SH3GL3: variants seen among roughly 807,000 people sequenced by gnomAD.
SH3GL3 encodes SH3 domain containing GRB2 like 3, endophilin A3.
SH3GL3 carries 33 observed loss-of-function variants against 47.7 expected under a neutral mutation model. The observed-to-expected ratio is 0.69, with a 90% CI of 0.52 to 0.92. SH3GL3 has a LOEUF of 0.92. Among genes scored for constraint, SH3GL3 ranks in the 40% least tolerant of loss-of-function variants. SH3GL3 has a pLI of 0.00. For missense variants in SH3GL3, 363 were observed against 417.8 expected (o/e 0.87, Z 1.14); for synonymous variants, 155 against 148.8 (o/e 1.04, Z -0.30).
intron 1 of SH3GL3, among the ~76,000 whole-genome samples, chr15:83,497,849 T>C (rs17158916): frequency 0.065 from 9,945 of 152,288 alleles, 477 homozygotes; most frequent in African/African-American, 0.12. Context: ...TCTGCTCTGT[T>C]GTGGATTTTG....
At chr15:83,624,072 AG>A in the SH3GL3 span, among the ~76,000 whole-genome samples, 2 of 152,088 alleles carry the variant, frequency 1.3e-5, no homozygotes, top group Non-Finnish European at 2.9e-5. Flanking sequence ...CAGGCCAAAT[AG>A]GCTCCTGACA....
At chr15:83,530,305 C>T (rs2043610528) in intron 1 of SH3GL3, among the ~76,000 whole-genome samples, 1 of 152,204 alleles carries the variant, frequency 6.6e-6, no homozygotes, top group East Asian at 1.9e-4. Flanking sequence ...AGAGGCTCTT[C>T]CATGGCTAAG....
intron 1 of SH3GL3, among the ~76,000 whole-genome samples, chr15:83,510,244 T>C (rs567046535): frequency 1.4e-4 from 21 of 152,344 alleles, no homozygotes; most frequent in African/African-American, 4.6e-4. Flanking sequence ...TTGCTTCATG[T>C]AGATACAATA....
chr15:83,551,340 C>T (rs1233289117), intron 1 of SH3GL3, among the ~76,000 whole-genome samples: 1 of 152,108 alleles, frequency 6.6e-6, no homozygotes, highest in Admixed American at 6.6e-5. Flanking sequence ...TGAGTAGCCA[C>T]CCATTTGTAT....
chr15:83,482,300 G>A (rs1046086375), intron 1 of SH3GL3, among the ~76,000 whole-genome samples: 1 of 151,916 alleles, frequency 6.6e-6, no homozygotes, highest in Non-Finnish European at 1.5e-5. Context: ...GCTTTTTTGT[G>A]TATTGTTTTA....
chr15:83,594,604 C>T (rs1363307637), intron 8 of SH3GL3, among the ~76,000 whole-genome samples: 3 of 152,298 alleles, frequency 2.0e-5, no homozygotes, highest in East Asian at 1.9e-4. Context: ...ACATCTCCTT[C>T]GGCCTCTCTT....
intron 2 of SH3GL3, among the ~76,000 whole-genome samples, chr15:83,561,942 T>C (rs1027541141): frequency 6.6e-5 from 10 of 151,894 alleles, no homozygotes; most frequent in African/African-American, 2.2e-4. Flanking sequence ...AAAAATAATT[T>C]TTACCATTCT....
At chr15:83,500,247 C>T (rs999995787) in intron 1 of SH3GL3, among the ~76,000 whole-genome samples, 1 of 152,186 alleles carries the variant, frequency 6.6e-6, no homozygotes, top group Non-Finnish European at 1.5e-5. Context: ...GGGCGAACTA[C>T]TTGGAAATTT....
At chr15:83,502,235 GGA>G (rs2042326842) in intron 1 of SH3GL3, among the ~76,000 whole-genome samples, 1 of 152,244 alleles carries the variant, frequency 6.6e-6, no homozygotes, top group Admixed American at 6.5e-5. Context: ...GTGTGGAAAT[GGA>G]CAGCGGATCA....
intron 6 of SH3GL3, among the ~76,000 whole-genome samples, chr15:83,579,718 A>C (rs2059783788): frequency 1.3e-5 from 2 of 152,124 alleles, no homozygotes. Flanking sequence ...ATGTGCGTTT[A>C]CCTTTTCTCC....
chr15:83,601,846 A>G (rs1030810258), intron 8 of SH3GL3, among the ~76,000 whole-genome samples: 3 of 148,026 alleles, frequency 2.0e-5, no homozygotes, highest in African/African-American at 7.5e-5. Context: ...TTTTTTTGGT[A>G]ATTTTAAAAT....
At chr15:83,473,991 G>T (rs2040976496) in intron 1 of SH3GL3, among the ~76,000 whole-genome samples, 2 of 151,940 alleles carry the variant, frequency 1.3e-5, no homozygotes, top group Admixed American at 1.3e-4. Flanking sequence ...GTCCCAAGCT[G>T]GTGTGCCTTC....
At chr15:83,623,115 T>A (rs1396064929), downstream of SH3GL3, among the ~76,000 whole-genome samples, 1 of 152,202 alleles carries the variant, frequency 6.6e-6, no homozygotes, top group Non-Finnish European at 1.5e-5. Flanking sequence ...CAATATAGGT[T>A]TCAAGTGTGA....
chr15:83,632,377 T>C, the SH3GL3 span, among the ~76,000 whole-genome samples: 77 of 152,350 alleles, frequency 5.1e-4, no homozygotes, highest in African/African-American at 1.7e-3. Context: ...GTTTCTGCTC[T>C]GGAGCTTCTA....
intron 3 of SH3GL3, 191 bp downstream of exon 3, chr15:83,565,397 T>G (rs1349857270): frequency 1.8e-6 from 1 of 542,756 alleles, no homozygotes; most frequent in Non-Finnish European, 3.3e-6. Context: ...AGAGAACAGC[T>G]ATTTTTGTGA....
rs565835637 is a variant in SH3GL3 at position 83,597,136 on chromosome 15, C to G, written c.838+8365C>G. 2.0e-5 allele frequency among the ~76,000 whole-genome samples: 3 copies of G among 152,258 alleles called. No homozygotes were observed. In the East Asian group the frequency reaches 5.8e-4, roughly 29 times the overall value. ...TCCTCAAATCAAGGTGTTCACATTC[C>G]ACACAGGGTGGAATCTGTTTTCTTG... is the stretch of plus-strand genomic sequence containing the variant. On this transcript the variant is annotated intron_variant, in intron 8 of 8. Transcript: ENST00000427482.
chr15:83,450,007 G>T lies in SH3GL3; in HGVS notation c.45+2429G>T, dbSNP rs140605152. 7.2e-4 allele frequency among the ~76,000 whole-genome samples: 109 copies of T among 152,288 alleles called. 1 individual carries two copies. In the East Asian group the frequency reaches 0.019, roughly 27 times the overall value. On this transcript the variant is annotated intron_variant, in intron 1 of 8. Transcript: ENST00000427482. The stretch of plus-strand genomic sequence containing the variant: ...TTTAATTCATACAGAACTTACCTGG[G>T]GCAGGGGAAGGGAGCCCCAGATGAT...
intron 8 of SH3GL3, among the ~76,000 whole-genome samples, chr15:83,594,932 A>G (rs56828103): frequency 0.043 from 6,573 of 152,282 alleles, 445 homozygotes; most frequent in African/African-American, 0.14. Context: ...CCACTGTGGA[A>G]GGAAGTTTGG....
the SH3GL3 span, among the ~76,000 whole-genome samples, chr15:83,628,196 C>G: frequency 6.6e-6 from 1 of 152,152 alleles, no homozygotes; most frequent in Non-Finnish European, 1.5e-5. Context: ...ACCTATCCAA[C>G]TAGCCAGAAA....
Sources: allele counts gnomAD v4.1 joint callset (sites outside exome capture counted in the v4.1 genomes callset), GRCh38; gene constraint gnomAD v4.1.1; transcripts MANE v1.5; gene names NCBI Gene and HGNC (gene_info 2026-07-23, HGNC 2026-07-21).